The following KIAA1549L variants were observed in gnomAD, a reference collection of about 807,000 sequenced individuals.
KIAA1549L encodes UPF0606 protein KIAA1549L.
Under a neutral mutation model 160.7 loss-of-function variants are expected in KIAA1549L, and 88 were observed. The observed-to-expected ratio is 0.55, with a 90% CI of 0.46 to 0.65. The LOEUF (loss-of-function observed/expected upper bound fraction) is 0.65, where lower values mean the gene tolerates loss of function less well. Among genes scored for constraint, KIAA1549L ranks in the 30% least tolerant of loss-of-function variants. The pLI is 0.00. For missense variants in KIAA1549L, 2,258 were observed against 2,437.5 expected (o/e 0.93, Z 1.55); for synonymous variants, 950 against 976.7 (o/e 0.97, Z 0.51).
At chr11:33,539,174 C>G (rs1231223210) in intron 1 of KIAA1549L, among the ~76,000 whole-genome samples, 1 of 152,062 alleles carries the variant, frequency 6.6e-6, no homozygotes, top group Non-Finnish European at 1.5e-5. Flanking sequence ...TTAAGTCAGT[C>G]AATTCTGAGG....
intron 1 of KIAA1549L, among the ~76,000 whole-genome samples, chr11:33,438,049 C>T (rs1007668272): frequency 2.0e-5 from 3 of 152,174 alleles, no homozygotes; most frequent in Non-Finnish European, 4.4e-5. Context: ...TTTTCCCAAC[C>T]GTTGGTGTCA....
chr11:33,454,266 A>G (rs961865012), intron 1 of KIAA1549L, among the ~76,000 whole-genome samples: 2 of 152,210 alleles, frequency 1.3e-5, no homozygotes, highest in African/African-American at 4.8e-5. Context: ...AAACATTTCT[A>G]ACTCCAGTTC....
At chr11:33,601,369 C>T (rs1359424595) in intron 13 of KIAA1549L, among the ~76,000 whole-genome samples, 4 of 152,224 alleles carry the variant, frequency 2.6e-5, no homozygotes, top group East Asian at 3.9e-4. Flanking sequence ...AAAACATACA[C>T]TTGTTGTTTT....
rs111955958 is a variant in KIAA1549L at position 33,501,941 on chromosome 11, A to C, written c.239-39861A>C. On this transcript the variant is annotated intron_variant, in intron 1 of 20. Coordinates refer to ENST00000658780, the MANE Select transcript of KIAA1549L (RefSeq NM_012194.3). Reference sequence around the variant, plus strand: ...AGATTCTGGCCTCAGAGCTTATCTCAGAATCTGAGATGCCCAGAAGCCAGT... The same window carrying C: ...AGATTCTGGCCTCAGAGCTTATCTCCGAATCTGAGATGCCCAGAAGCCAGT... Among the ~76,000 whole-genome samples, 190 of 152,308 alleles carry C rather than the reference A, an allele frequency of 1.2e-3. 4 individuals carry two copies. The highest frequency in any genetic ancestry group is 4.4e-3 in the African/African-American group (183 of 41,572).
intron 1 of KIAA1549L, among the ~76,000 whole-genome samples, chr11:33,480,914 AG>A (rs914620110): frequency 2.6e-5 from 4 of 152,234 alleles, no homozygotes; most frequent in African/African-American, 4.8e-5. Context: ...CTGCTGCTTA[AG>A]GGACATGATG....
intron 1 of KIAA1549L, among the ~76,000 whole-genome samples, chr11:33,471,321 A>G (rs1223186615): frequency 6.7e-6 from 1 of 149,994 alleles, no homozygotes; most frequent in Non-Finnish European, 1.5e-5. Flanking sequence ...TTCTTGCCCC[A>G]TGTCACCCTT....
chr11:33,616,253 C>T (rs1441962055), intron 15 of KIAA1549L, among the ~76,000 whole-genome samples: 5 of 152,148 alleles, frequency 3.3e-5, no homozygotes. Context: ...AGGCTCTTAC[C>T]TCATGGTGAC....
intron 1 of KIAA1549L, among the ~76,000 whole-genome samples, chr11:33,504,193 G>GGAGGTT (rs770964302): frequency 2.0e-5 from 3 of 152,052 alleles, no homozygotes; most frequent in Non-Finnish European, 4.4e-5. Flanking sequence ...CCGGGGAGGT[G>GGAGGTT]GAGGTTGCAG....
intron 16 of KIAA1549L, among the ~76,000 whole-genome samples, chr11:33,624,597 C>T (rs1025463357): frequency 1.8e-4 from 27 of 152,026 alleles, no homozygotes; most frequent in African/African-American, 3.1e-4. Flanking sequence ...TAAATAAAGC[C>T]AAAAAACTAG....
intron 1 of KIAA1549L, chr11:33,403,248 G>GACACAC (rs745452692): frequency 1.8e-4 from 1 of 5,678 alleles, no homozygotes; most frequent in African/African-American, 4.8e-4. Flanking sequence ...CACATATGCA[G>GACACAC]ACACACACAC....
chr11:33,630,904 G>T (rs149198397), intron 16 of KIAA1549L, among the ~76,000 whole-genome samples: 41 of 152,336 alleles, frequency 2.7e-4, no homozygotes, highest in Non-Finnish European at 5.4e-4. Context: ...AGATTCCACT[G>T]TATCAACCCG....
At chr11:33,516,052 C>A (rs1237793268) in intron 1 of KIAA1549L, among the ~76,000 whole-genome samples, 2 of 152,126 alleles carry the variant, frequency 1.3e-5, no homozygotes, top group East Asian at 3.9e-4. Flanking sequence ...CTAATTGATC[C>A]CAGAACCCTT....
In KIAA1549L at chr11:33,614,531, G is replaced by GCC. The variant is rs879500574; in HGVS notation, c.5280-4002_5280-4001insCC. ...CTCTTGGGATCTGTGAGTGTAACAA[G>GCC]ATATATATATATATATATATATATA... On this transcript the variant is annotated intron_variant, in intron 15 of 20. Transcript: ENST00000658780. 6.5e-3 allele frequency among the ~76,000 whole-genome samples: 176 copies of GCC among 27,110 alleles called. 14 individuals are homozygous for GCC. The highest frequency in any genetic ancestry group is 7.8e-3 in the South Asian group (4 of 512). 17.8% of individuals were successfully genotyped at this position (27,110 alleles called of 152,430 possible).
At chr11:33,625,069 C>G (rs1232951940) in intron 16 of KIAA1549L, among the ~76,000 whole-genome samples, 1 of 151,818 alleles carries the variant, frequency 6.6e-6, no homozygotes, top group African/African-American at 2.4e-5. Flanking sequence ...TCATCCATGT[C>G]CCTACAAAGG....
intron 9 of KIAA1549L, among the ~76,000 whole-genome samples, chr11:33,571,260 T>C (rs1250133171): frequency 3.3e-5 from 5 of 152,100 alleles, no homozygotes; most frequent in African/African-American, 1.2e-4. Context: ...TGCAGCCTGG[T>C]GACAGAGCGA....
At chr11:33,583,547 G>C in intron 11 of KIAA1549L, 46 bp downstream of exon 11, 1 of 1,512,210 alleles carries the variant, frequency 6.6e-7, no homozygotes, top group South Asian at 1.3e-5. Flanking sequence ...AGGCCTGCAG[G>C]AGCTCAGCCT....
intron 8 of KIAA1549L, among the ~76,000 whole-genome samples, chr11:33,567,657 T>C (rs1855093830): frequency 6.6e-6 from 1 of 152,210 alleles, no homozygotes; most frequent in Non-Finnish European, 1.5e-5. Flanking sequence ...CCAGCAAAAA[T>C]ACCCGTTAGC....
Position 33,559,910 on chromosome 11 carries a change from A to G in KIAA1549L, c.4017A>G (p.Glu1339=), listed in dbSNP as rs1484682846. ...YLTYPPLTIA[E]PLEYPNLDIS... is the part of the protein sequence containing the mutation. ...CCTATCCGCCGCTAACCATTGCTGA[A>G]CGTGAGTATGGCCATGCCTATGGGG... The change falls in exon 7 of 21, where the codon GAA becomes GAG. Residue 1339 remains glutamate (E), a splice_region_variant and synonymous_variant. Transcript: ENST00000658780. The G allele has an allele frequency of 2.5e-6, 4 of 1,613,704 alleles. No homozygotes were observed. The highest frequency in any genetic ancestry group is 1.3e-5 in the African/African-American group (1 of 74,912).
In KIAA1549L at chr11:33,544,238, G is replaced by A. The variant is rs750144669; in HGVS notation, c.2675G>A (p.Gly892Glu). 6.2e-7 allele frequency: 1 copy of A among 1,613,956 alleles called. No individual in the cohort carries two copies. Among genetic ancestry groups the A allele is most frequent in the South Asian group, 1.1e-5 (1 of 91,084 alleles). The change falls in exon 2 of 21, where the codon GGA becomes GAA. Residue 892 changes from glycine (G) to glutamate (E), a missense_variant. Physicochemically the swap from Gly to Glu is moderately conservative, Grantham distance 98. Coordinates refer to ENST00000658780, the MANE Select transcript of KIAA1549L (RefSeq NM_012194.3). ...NASTPFQNIL[G>E]YHSAAESSIS... ...TCCACACCATTCCAGAACATCTTGG[G>A]ATATCACTCTGCTGCTGAATCTTCT... is the stretch of plus-strand genomic sequence containing the variant.
Sources: gnomAD v4.1 joint callset for allele counts (sites outside exome capture counted in the v4.1 genomes callset) on GRCh38, gnomAD v4.1.1 for gene constraint, MANE v1.5 for transcripts, NCBI Gene and HGNC (gene_info 2026-07-23, HGNC 2026-07-21) for gene names.